Variants in FAM98B observed in about 807,000 individuals in gnomAD.
FAM98B encodes tRNA splicing ligase complex subunit 3B, also known as tRNA-splicing ligase complex subunit FAM98B.
A neutral mutation model predicts 43.9 loss-of-function variants in FAM98B; 32 were observed. The ratio of observed to expected loss-of-function variants is 0.73; its 90% CI spans 0.55 to 0.98. FAM98B has a LOEUF of 0.98. Ranked by LOEUF, FAM98B falls within the 50% of genes least tolerant of loss-of-function variation. FAM98B has a pLI of 0.00. For missense variants in FAM98B, 514 were observed against 522.9 expected, an observed-to-expected ratio of 0.98 and a Z score of 0.17; for synonymous variants, 190 against 174.0, an observed-to-expected ratio of 1.09 and a Z score of -0.72.
intron 7 of FAM98B, chr15:38,483,594 A>G (rs1458421898): frequency 6.9e-6 from 1 of 145,246 alleles, no homozygotes; most frequent in African/African-American, 2.5e-5. Context: ...TGAACCCAGG[A>G]GGCAGAGCTT....
chr15:38,473,579 A>G lies in FAM98B; in HGVS notation c.606A>G (p.Glu202=). ...KPLLKMDLNS[E]QAEQLERIND... The stretch of plus-strand genomic sequence containing the variant: ...TGCTGAAAATGGATTTAAATTCAGA[A>G]CAGGCGGTAAATCCCCCTTTTTGTT... Residue 202 remains glutamate, a synonymous_variant, in exon 5 of 8, where the codon GAA becomes GAG. Coordinates refer to ENST00000397609, the MANE Select transcript of FAM98B (RefSeq NM_173611.4). 6.2e-7 allele frequency: 1 copy of G among 1,607,970 alleles called. No homozygotes were observed. The highest frequency in any genetic ancestry group is 1.7e-5 in the Admixed American group (1 of 59,062).
At chr15:38,473,420 T>C in intron 4 of FAM98B, 85 bp from the exon 5 acceptor site, 1 of 867,794 alleles carries the variant, frequency 1.2e-6, no homozygotes, top group Non-Finnish European at 1.8e-6. Context: ...TATTCTGTAG[T>C]GTTCAGAGCG....
chr15:38,481,152 G>T, intron 6 of FAM98B, 140 bp from the exon 7 acceptor site: 1 of 622,380 alleles, frequency 1.6e-6, no homozygotes. Flanking sequence ...TAAATTCTCA[G>T]ATATTTGGGT....
intron 3 of FAM98B, 38 bp downstream of exon 3, chr15:38,465,441 A>G (rs1230323494): frequency 1.3e-6 from 2 of 1,512,978 alleles, no homozygotes; most frequent in Non-Finnish European, 1.8e-6. Context: ...TGTGTTTGAC[A>G]TGGTTTTTAT....
At chr15:38,478,131 T>C (rs79119437) in intron 6 of FAM98B, among the ~76,000 whole-genome samples, 1,755 of 152,296 alleles carry the variant, frequency 0.012, 40 homozygotes, top group African/African-American at 0.04. Flanking sequence ...CCAAAATAAG[T>C]GAGTTTTGAT....
Position 38,464,146 on chromosome 15 carries a change from A to G in FAM98B, c.186A>G (p.Leu62=), listed in dbSNP as rs1566897799. 1 of 1,613,218 alleles carries G rather than the reference A, an allele frequency of 6.2e-7. No individual in the cohort carries two copies. Among genetic ancestry groups the G allele is most frequent in the Admixed American group, 1.7e-5 (1 of 59,920 alleles). The change falls in exon 2 of 8, where the codon TTA becomes TTG. Residue 62 remains leucine, a synonymous_variant. Coordinates refer to ENST00000397609, the MANE Select transcript of FAM98B (RefSeq NM_173611.4). ...CIWLGSQIKS[L]CNLEESITSA... ...GGTTAGGCTCTCAAATAAAATCATT[A>G]TGCAACTTGGAAGAAAGTATCACGT...
intron 1 of FAM98B, among the ~76,000 whole-genome samples, chr15:38,459,825 CAA>C (rs1228491285): frequency 1.3e-5 from 2 of 152,150 alleles, no homozygotes; most frequent in South Asian, 2.1e-4. Flanking sequence ...AGAGTGAAAA[CAA>C]GAGAGGAATA....
intron 1 of FAM98B, among the ~76,000 whole-genome samples, chr15:38,463,511 TA>T (rs1162468920): frequency 6.6e-6 from 1 of 150,516 alleles, no homozygotes; most frequent in Non-Finnish European, 1.5e-5. Flanking sequence ...TAAAATAAAA[TA>T]AAATAAAATA....
intron 6 of FAM98B, among the ~76,000 whole-genome samples, chr15:38,479,104 G>A (rs1279582336): frequency 1.3e-5 from 2 of 151,946 alleles, no homozygotes; most frequent in Non-Finnish European, 2.9e-5. Flanking sequence ...GACTACAGAC[G>A]TGTGCCACCA....
chr15:38,486,777 G>T lies in FAM98B; in HGVS notation c.*2118G>T, dbSNP rs1890380658. ...GGATTTTCCTGATAATCTTTGTTCA[G>T]TAAAAATTTCTTTTGTAGAACAGTT... On this transcript the variant is annotated 3_prime_UTR_variant, in exon 8 of 8. Coordinates refer to ENST00000397609, the MANE Select transcript of FAM98B (RefSeq NM_173611.4). The T allele has an allele frequency of 6.6e-6, 1 of 152,046 alleles. No individual in the cohort carries two copies. The highest frequency in any genetic ancestry group is 6.6e-5 in the Admixed American group (1 of 15,258). The allele number at this position is 152,046 out of a possible 1,614,324, so 9.4% of individuals were successfully genotyped here. A position where few individuals can be genotyped will look rare whatever the true frequency, so the allele number is the denominator to read the frequency against.
At chr15:38,459,758 T>C (rs1234607952) in intron 1 of FAM98B, among the ~76,000 whole-genome samples, 1 of 152,220 alleles carries the variant, frequency 6.6e-6, no homozygotes, top group Non-Finnish European at 1.5e-5. Flanking sequence ...GTACCCTGGC[T>C]CCAGTCTCCT....
intron 2 of FAM98B, 47 bp from the exon 3 acceptor site, chr15:38,465,222 A>T (rs758085244): frequency 6.4e-7 from 1 of 1,555,416 alleles, no homozygotes; most frequent in South Asian, 1.2e-5. Flanking sequence ...GTATTGGATT[A>T]TATGGTAAAT....
chr15:38,479,080 G>A (rs536316053), intron 6 of FAM98B, among the ~76,000 whole-genome samples: 51 of 151,964 alleles, frequency 3.4e-4, no homozygotes, highest in Non-Finnish European at 6.6e-4. Context: ...TGTGGCCTTC[G>A]CTCAGGCAGC....
At chr15:38,462,805 G>A (rs1434297721) in intron 1 of FAM98B, among the ~76,000 whole-genome samples, 1 of 152,168 alleles carries the variant, frequency 6.6e-6, no homozygotes, top group African/African-American at 2.4e-5. Context: ...CCAACCTTTG[G>A]TAGCAGATTA....
At chr15:38,477,520 C>T (rs911332779) in intron 6 of FAM98B, among the ~76,000 whole-genome samples, 5 of 152,222 alleles carry the variant, frequency 3.3e-5, no homozygotes, top group South Asian at 4.2e-4. Context: ...AATCCTCCCT[C>T]GTGTGTTTTA....
intron 6 of FAM98B, among the ~76,000 whole-genome samples, chr15:38,475,577 C>T (rs763500182): frequency 1.3e-5 from 2 of 152,148 alleles, no homozygotes; most frequent in Non-Finnish European, 2.9e-5. Context: ...TAGAATCTTC[C>T]AGCCTTTCTC....
chr15:38,469,397 TAG>T (rs796806511), intron 3 of FAM98B, among the ~76,000 whole-genome samples: 12 of 152,356 alleles, frequency 7.9e-5, no homozygotes, highest in African/African-American at 2.6e-4. Flanking sequence ...ATATATCAGT[TAG>T]AGCTATATGT....
At chr15:38,461,886 G>A (rs1041623783) in intron 1 of FAM98B, among the ~76,000 whole-genome samples, 2 of 152,040 alleles carry the variant, frequency 1.3e-5, no homozygotes, top group Non-Finnish European at 2.9e-5. Context: ...GAATTTAATA[G>A]TATCTGGCAA....
Position 38,484,802 on chromosome 15 carries a change from G to A in FAM98B, c.*143G>A. The A allele has an allele frequency of 7.9e-7, 1 of 1,263,970 alleles. No homozygotes were observed. The highest frequency in any genetic ancestry group is 1.0e-6 in the Non-Finnish European group (1 of 972,554). 78.3% of individuals were successfully genotyped at this position (1,263,970 alleles called of 1,614,324 possible). Reference sequence around the variant, plus strand: ...ATACCACTCTTGAATTGGTTAATATGTAAGAACATTGTTTTTTATTACCAG... The same window carrying A: ...ATACCACTCTTGAATTGGTTAATATATAAGAACATTGTTTTTTATTACCAG... On this transcript the variant is annotated 3_prime_UTR_variant, in exon 8 of 8. Transcript: ENST00000397609.
Sources: gnomAD v4.1 joint callset for allele counts (sites outside exome capture counted in the v4.1 genomes callset) on GRCh38, gnomAD v4.1.1 for gene constraint, MANE v1.5 for transcripts, NCBI Gene and HGNC (gene_info 2026-07-23, HGNC 2026-07-21) for gene names.